MRPS22: variants seen among roughly 807,000 people sequenced by gnomAD.
MRPS22 encodes mitochondrial ribosomal protein S22.
A neutral mutation model predicts 44.0 loss-of-function variants in MRPS22; 30 were observed. That is an observed-to-expected ratio of 0.68 (90% CI 0.51 to 0.93). The LOEUF (loss-of-function observed/expected upper bound fraction) is 0.93. Ranked by LOEUF, MRPS22 falls within the 40% of genes least tolerant of loss-of-function variation. The pLI is 0.00. For missense variants in MRPS22, 447 were observed against 447.8 expected (o/e 1.00, Z 0.02); for synonymous variants, 165 against 154.4 (o/e 1.07, Z -0.51).
chr3:139,351,226 C>G, intron 5 of MRPS22, 166 bp downstream of exon 5: 1 of 623,240 alleles, frequency 1.6e-6, no homozygotes, highest in Non-Finnish European at 2.9e-6. Flanking sequence ...ATTTTATAAT[C>G]ACAACAACCC....
chr3:139,353,716 C>G (rs1332061149), intron 6 of MRPS22, among the ~76,000 whole-genome samples: 1 of 152,148 alleles, frequency 6.6e-6, no homozygotes, highest in African/African-American at 2.4e-5. Flanking sequence ...CCAGGCTAGC[C>G]CATTTCACCA....
chr3:139,351,322 C>G (rs1369597336), intron 5 of MRPS22: 4 of 455,828 alleles, frequency 8.8e-6, no homozygotes, highest in Non-Finnish European at 1.6e-5. Flanking sequence ...GGTTAGGACC[C>G]AAGTTTGATG....
intron 2 of MRPS22, among the ~76,000 whole-genome samples, chr3:139,347,766 G>C (rs755405657): frequency 3.3e-5 from 5 of 152,202 alleles, no homozygotes; most frequent in Non-Finnish European, 5.9e-5. Flanking sequence ...GTAAAATGGA[G>C]ATGATAACAA....
chr3:139,355,731 G>C lies in MRPS22; in HGVS notation c.928G>C (p.Asp310His). 1 of 1,614,186 alleles carries C rather than the reference G, an allele frequency of 6.2e-7. No homozygotes were observed. The highest frequency in any genetic ancestry group is 1.1e-5 in the South Asian group (1 of 91,082). ...LVQLYHVLHP[D>H]GQSAQGAKDQ... ...CCAGCTGTATCACGTGCTCCATCCA[G>C]ATGGCCAGTCGGCTCAAGGGGCCAA... Residue 310 changes from aspartate to histidine, a missense_variant, in exon 7 of 8, where the codon GAT becomes CAT. By Grantham distance (81) the Asp-to-His change is moderately conservative (BLOSUM62 -1). Transcript: ENST00000680020.
chr3:139,347,168 A>G (rs1184881477), intron 2 of MRPS22, 124 bp downstream of exon 2: 9 of 1,150,738 alleles, frequency 7.8e-6, no homozygotes, highest in African/African-American at 1.5e-5. Flanking sequence ...AATACCAGGC[A>G]TAGAACTGAG....
At chr3:139,345,720 C>T (rs1338301893) in intron 1 of MRPS22, among the ~76,000 whole-genome samples, 2 of 152,050 alleles carry the variant, frequency 1.3e-5, no homozygotes, top group Non-Finnish European at 2.9e-5. Context: ...GTATGGCCTA[C>T]TGGATGATGC....
At chr3:139,346,789 T>C in intron 1 of MRPS22, 89 bp from the exon 2 acceptor site, 2 of 1,364,932 alleles carry the variant, frequency 1.5e-6, no homozygotes, top group Non-Finnish European at 2.1e-6. Context: ...ATTGTGCTAA[T>C]GCTTTTTATT....
rs932901126 is a variant in MRPS22, at chr3:139,347,769, G to T, written c.340-391G>T. ...GTTTTTTCTTCTGTAAAATGGAGAT[G>T]ATAACAATTGCACCTAACTCATAAG... On this transcript the variant is annotated intron_variant, in intron 2 of 7. Transcript: ENST00000680020. Among the ~76,000 whole-genome samples, 3 of 152,270 alleles carry T rather than the reference G, an allele frequency of 2.0e-5. No homozygotes were observed. The South Asian group carries it at 6.2e-4, about 32-fold the overall frequency.
At chr3:139,345,712 A>G (rs959790637) in intron 1 of MRPS22, among the ~76,000 whole-genome samples, 2 of 152,168 alleles carry the variant, frequency 1.3e-5, no homozygotes, top group Non-Finnish European at 2.9e-5. Flanking sequence ...TCTGGCCTGT[A>G]TGGCCTACTG....
Position 139,344,106 on chromosome 3 carries a change from C to T in MRPS22, c.80C>T (p.Ala27Val). ...GGCGTGGAACGGGTCTGTTTCCGGG[C>T]TCGAATCCAGCCCTGGCACGGTGGC... Reference protein sequence around the residue: ...SPGVERVCFRARIQPWHGGLL... With the variant: ...SPGVERVCFRVRIQPWHGGLL... Residue 27 changes from alanine (A) to valine (V), a missense_variant, in exon 1 of 8, where the codon GCT (alanine) becomes GTT (valine). Coordinates refer to ENST00000680020, the MANE Select transcript of MRPS22 (RefSeq NM_020191.4). 6.2e-7 allele frequency: 1 copy of T among 1,614,156 alleles called. No homozygotes were observed. Among genetic ancestry groups the T allele is most frequent in the Admixed American group, 1.7e-5 (1 of 60,034 alleles).
chr3:139,350,539 T>A, intron 4 of MRPS22: 1 of 532,592 alleles, frequency 1.9e-6, no homozygotes, highest in Non-Finnish European at 3.3e-6. Context: ...GTGATTCTTC[T>A]GCCTCAGCCT....
rs1441841976 is a variant in MRPS22, at chr3:139,348,527, AT to A, written c.504+204del. ...TCATGGTGTTACCATTTCTCAGCAG[AT>A]AATAGGCACAGTATTTTCCAGATTC... On this transcript the variant is annotated intron_variant, in intron 3 of 7. Transcript: ENST00000680020. 5 of 597,232 alleles carry A rather than the reference AT, an allele frequency of 8.4e-6. No homozygotes were observed. In the East Asian group the frequency reaches 1.5e-4, roughly 18 times the overall value. 37.0% of individuals were successfully genotyped at this position (597,232 alleles called of 1,614,324 possible). A position where few individuals can be genotyped will look rare whatever the true frequency, so the allele number is the denominator to read the frequency against.
intron 2 of MRPS22, 113 bp from the exon 3 acceptor site, chr3:139,348,047 C>A (rs1278902057): frequency 2.8e-5 from 31 of 1,113,644 alleles, no homozygotes; most frequent in East Asian, 1.0e-4. Context: ...TTTGTGGCTA[C>A]ACCTTCTTTT....
Position 139,352,628 on chromosome 3 carries a change from T to A in MRPS22, c.733-19T>A. 6.2e-7 allele frequency: 1 copy of A among 1,610,140 alleles called. No individual in the cohort carries two copies. Among genetic ancestry groups the A allele is most frequent in the Non-Finnish European group, 8.5e-7 (1 of 1,176,768 alleles). The stretch of plus-strand genomic sequence containing the variant: ...TTCTTATTTTCATGTTTCTGAAGAG[T>A]TGCATTTTATGTGGATAGGTTCATC... On this transcript the variant is annotated intron_variant, in intron 5 of 7. Coordinates refer to ENST00000680020, the MANE Select transcript of MRPS22 (RefSeq NM_020191.4).
At chr3:139,344,771 A>C (rs1941006800) in intron 1 of MRPS22, 2 of 646,752 alleles carry the variant, frequency 3.1e-6, no homozygotes, top group Non-Finnish European at 5.5e-6. Flanking sequence ...AAAGGGACAA[A>C]TTAAGATTGT....
At chr3:139,356,872 A>G (rs768352427) in intron 7 of MRPS22, 47 bp from the exon 8 acceptor site, 8 of 1,361,240 alleles carry the variant, frequency 5.9e-6, no homozygotes, top group South Asian at 1.2e-5. Flanking sequence ...AACTTTATAA[A>G]TAGCATATGT....
chr3:139,349,835 G>C (rs1311783087), intron 3 of MRPS22, among the ~76,000 whole-genome samples: 3 of 152,146 alleles, frequency 2.0e-5, no homozygotes, highest in East Asian at 3.8e-4. Flanking sequence ...TGAGACTTTG[G>C]GATAGAGAAA....
At position 139,356,979 on chromosome 3, in the gene MRPS22, C is replaced by T. The variant is rs1941293827; in HGVS notation, c.1048C>T (p.Gln350Ter). 1 of 1,612,778 alleles carries T rather than the reference C, an allele frequency of 6.2e-7. No individual in the cohort carries two copies. Among genetic ancestry groups the T allele is most frequent in the Admixed American group, 1.7e-5 (1 of 59,974 alleles). Residue 350 changes from glutamine to a stop codon, truncating the protein, a stop_gained, in exon 8 of 8, where the codon CAA (glutamine) becomes TAA (stop). Coordinates refer to ENST00000680020, the MANE Select transcript of MRPS22 (RefSeq NM_020191.4). LOFTEE classifies it high-confidence loss of function. ...TATAGAACTAACACTGCAGACTTAT[C>T]AAGAAGCACTCAGTCGCCATTCTGC... ...AYIELTLQTY[Q>*]EALSRHSAAS
chr3:139,351,098 A>T, intron 5 of MRPS22, 38 bp downstream of exon 5: 1 of 1,463,578 alleles, frequency 6.8e-7, no homozygotes, highest in Non-Finnish European at 9.6e-7. Context: ...AGGCTTAAGT[A>T]TGGTTATGAG....
Sources: allele counts gnomAD v4.1 joint callset (sites outside exome capture counted in the v4.1 genomes callset), GRCh38; gene constraint gnomAD v4.1.1; transcripts MANE v1.5; gene names NCBI Gene and HGNC (gene_info 2026-07-23, HGNC 2026-07-21).